ANO10: variants seen among roughly 807,000 people sequenced by gnomAD.
The protein encoded by ANO10 is anoctamin-10.
A neutral mutation model predicts 74.7 loss-of-function variants in ANO10; 77 were observed. That is an observed-to-expected ratio of 1.03 (90% confidence interval 0.86 to 1.25). The LOEUF (loss-of-function observed/expected upper bound fraction) is 1.25. ANO10 is among the 50% of genes most tolerant of loss of function. The pLI is 0.00. For synonymous variants in ANO10, 279 were observed against 284.9 expected, an observed-to-expected ratio of 0.98 and a Z score of 0.21; for missense variants, 721 against 778.1, an observed-to-expected ratio of 0.93 and a Z score of 0.87.
chr3:43,510,216 G>A (rs766286132), intron 11 of ANO10, among the ~76,000 whole-genome samples: 19 of 152,040 alleles, frequency 1.2e-4, no homozygotes, highest in Non-Finnish European at 2.5e-4. Flanking sequence ...GATCACCTGA[G>A]GTCAGGAGTT....
intron 11 of ANO10, among the ~76,000 whole-genome samples, chr3:43,498,940 G>A (rs2077005677): frequency 6.6e-6 from 1 of 152,200 alleles, no homozygotes; most frequent in African/African-American, 2.4e-5. Context: ...CAATGCGACA[G>A]TCTTGAGGCT....
chr3:43,480,253 C>A (rs918046480), intron 11 of ANO10, among the ~76,000 whole-genome samples: 1 of 152,034 alleles, frequency 6.6e-6, no homozygotes, highest in African/African-American at 2.4e-5. Flanking sequence ...GAAAATGCAA[C>A]AGAGGGCCAG....
chr3:43,445,792 C>T (rs1259381067), intron 11 of ANO10, among the ~76,000 whole-genome samples: 2 of 152,044 alleles, frequency 1.3e-5, no homozygotes, highest in Admixed American at 6.5e-5. Context: ...CTCTGCTTGC[C>T]GAGCTCAAGT....
At chr3:43,372,958 T>A in intron 12 of ANO10, 1 of 1,080,372 alleles carries the variant, frequency 9.3e-7, no homozygotes, top group Non-Finnish European at 1.3e-6. Flanking sequence ...GCCTCTTTTC[T>A]CATGTAACAC....
intron 1 of ANO10, among the ~76,000 whole-genome samples, chr3:43,654,674 C>CT (rs544009516): frequency 7.0e-4 from 106 of 152,284 alleles, no homozygotes; most frequent in African/African-American, 2.4e-3. Context: ...TTCTACCACT[C>CT]TGACTTCTCC....
chr3:43,508,687 C>T lies in ANO10; in HGVS notation c.1797+41033G>A, dbSNP rs188398675. 1.7e-3 allele frequency among the ~76,000 whole-genome samples: 250 copies of T among 150,222 alleles called. 3 individuals are homozygous for T. The highest frequency in any genetic ancestry group is 6.9e-3 in the Middle Eastern group (2 of 290). On this transcript the variant is annotated intron_variant, in intron 11 of 12. Coordinates refer to ENST00000292246, the MANE Select transcript of ANO10 (RefSeq NM_018075.5). ...GGAACCATCATTCTGAGCAAACTAT[C>T]GCAAGGACAAAAAACCAAACACCGC... is the stretch of plus-strand genomic sequence containing the variant.
intron 7 of ANO10, among the ~76,000 whole-genome samples, chr3:43,570,415 A>G (rs918304375): frequency 5.9e-5 from 9 of 151,506 alleles, no homozygotes; most frequent in Middle Eastern, 3.4e-3. Context: ...GAGGCATCAC[A>G]CTACCTGACT....
chr3:43,474,260 C>T (rs1488186446), intron 11 of ANO10, among the ~76,000 whole-genome samples: 4 of 134,402 alleles, frequency 3.0e-5, no homozygotes, highest in Non-Finnish European at 1.6e-5. Flanking sequence ...AGAAGATTGT[C>T]AGCTCACAAG....
rs140307110 is a variant in ANO10 at position 43,508,430 on chromosome 3, A to C, written c.1797+41290T>G. ...AACCAGAAATACCATTTGACCCAGC[A>C]ATCCCATTACTGGGCATATACCCAA... On this transcript the variant is annotated intron_variant, in intron 11 of 12. Transcript: ENST00000292246. 5.2e-3 allele frequency among the ~76,000 whole-genome samples: 793 copies of C among 152,318 alleles called. 5 individuals are homozygous for C. Among genetic ancestry groups the C allele is most frequent in the African/African-American group, 0.017 (717 of 41,556 alleles).
At chr3:43,655,486 G>A (rs752540669) in intron 1 of ANO10, among the ~76,000 whole-genome samples, 1 of 152,184 alleles carries the variant, frequency 6.6e-6, no homozygotes, top group African/African-American at 2.4e-5. Context: ...GTGTGGGAGG[G>A]GACCCAAGCG....
At chr3:43,454,149 G>C (rs1261685330) in intron 11 of ANO10, among the ~76,000 whole-genome samples, 1 of 152,194 alleles carries the variant, frequency 6.6e-6, no homozygotes, top group Non-Finnish European at 1.5e-5. Flanking sequence ...GTTGGGTCAG[G>C]GGAAAGGCAA....
At chr3:43,411,374 T>A (rs1349955839) in intron 12 of ANO10, among the ~76,000 whole-genome samples, 1 of 152,242 alleles carries the variant, frequency 6.6e-6, no homozygotes, top group Non-Finnish European at 1.5e-5. Flanking sequence ...GCAGATCATC[T>A]GATTTTGACA....
At chr3:43,544,751 C>T (rs1380273868) in intron 11 of ANO10, among the ~76,000 whole-genome samples, 1 of 148,882 alleles carries the variant, frequency 6.7e-6, no homozygotes, top group East Asian at 2.0e-4. Flanking sequence ...CAAGATTGTG[C>T]CACTGCACTC....
At chr3:43,564,094 G>A (rs572001617) in intron 8 of ANO10, among the ~76,000 whole-genome samples, 3 of 151,776 alleles carry the variant, frequency 2.0e-5, no homozygotes, top group East Asian at 1.9e-4. Context: ...GTGCAGTGGC[G>A]TGATCACAGT....
intron 4 of ANO10, among the ~76,000 whole-genome samples, chr3:43,589,324 C>T (rs1046932578): frequency 6.7e-6 from 1 of 149,568 alleles, no homozygotes. Flanking sequence ...TTTCTAAACA[C>T]GATAAAAATT....
chr3:43,447,944 A>T (rs565121051), intron 11 of ANO10, among the ~76,000 whole-genome samples: 1 of 152,336 alleles, frequency 6.6e-6, no homozygotes, highest in Non-Finnish European at 1.5e-5. Flanking sequence ...TGTCCCCACA[A>T]ATTCACATTT....
At chr3:43,400,363 A>G (rs2092458629) in intron 12 of ANO10, among the ~76,000 whole-genome samples, 2 of 151,954 alleles carry the variant, frequency 1.3e-5, no homozygotes, top group Admixed American at 6.6e-5. Context: ...CAGGCCATCC[A>G]GCAATACTGG....
chr3:43,519,495 A>G (rs2077856647), intron 11 of ANO10, among the ~76,000 whole-genome samples: 1 of 152,198 alleles, frequency 6.6e-6, no homozygotes, highest in Non-Finnish European at 1.5e-5. Context: ...TCTGGTTGCA[A>G]TGGGGCACCG....
At chr3:43,446,368 G>C (rs1400473768) in intron 11 of ANO10, among the ~76,000 whole-genome samples, 2 of 152,186 alleles carry the variant, frequency 1.3e-5, no homozygotes, top group Non-Finnish European at 2.9e-5. Flanking sequence ...AGAAGAAAGG[G>C]GATGAAAGAA....
Sources: gnomAD v4.1 joint callset for allele counts (sites outside exome capture counted in the v4.1 genomes callset) on GRCh38, gnomAD v4.1.1 for gene constraint, MANE v1.5 for transcripts, NCBI Gene and HGNC (gene_info 2026-07-23, HGNC 2026-07-21) for gene names.